SGF29: variants seen among roughly 807,000 people sequenced by gnomAD.
The protein encoded by SGF29 is SAGA complex associated factor 29.
In SGF29, 15 loss-of-function variants were observed where a neutral mutation model predicts 38.1. The observed-to-expected ratio is 0.39, with a 90% CI of 0.26 to 0.61. The LOEUF is 0.61. SGF29 is among the 20% of genes least tolerant of loss of function. SGF29 has a pLI of 0.49. For missense variants in SGF29, 184 were observed against 394.6 expected (o/e 0.47, Z 4.52); for synonymous variants, 151 against 160.8 (o/e 0.94, Z 0.46).
chr16:28,587,257 T>C (rs1358531211), intron 4 of SGF29, among the ~76,000 whole-genome samples: 1 of 152,216 alleles, frequency 6.6e-6, no homozygotes, highest in Non-Finnish European at 1.5e-5. Context: ...CGTGAAACAA[T>C]TGAGATTTTT....
At chr16:28,564,035 C>T (rs1034575193) in intron 1 of SGF29, among the ~76,000 whole-genome samples, 1 of 152,182 alleles carries the variant, frequency 6.6e-6, no homozygotes, top group Non-Finnish European at 1.5e-5. Flanking sequence ...GCTTAAGCCA[C>T]TGTGCCTGGC....
At chr16:28,577,400 C>A (rs568464868) in intron 1 of SGF29, among the ~76,000 whole-genome samples, 2 of 151,612 alleles carry the variant, frequency 1.3e-5, no homozygotes, top group African/African-American at 4.8e-5. Flanking sequence ...GCTGTCCTTT[C>A]TCTCCCAACC....
chr16:28,568,787 C>T (rs2046848349), intron 1 of SGF29, among the ~76,000 whole-genome samples: 1 of 152,090 alleles, frequency 6.6e-6, no homozygotes, highest in Admixed American at 6.6e-5. Flanking sequence ...GTGGTTTGTG[C>T]CTGCAATCTC....
chr16:28,573,334 T>C (rs1249654881), intron 1 of SGF29, among the ~76,000 whole-genome samples: 1 of 152,114 alleles, frequency 6.6e-6, no homozygotes, highest in Non-Finnish European at 1.5e-5. Context: ...AGTAGCATCA[T>C]GTCAAGATCA....
intron 3 of SGF29, chr16:28,585,400 A>G: frequency 1.8e-6 from 1 of 570,936 alleles, no homozygotes; most frequent in Non-Finnish European, 3.1e-6. Flanking sequence ...ATTTTCTGTG[A>G]GTGTCATGAT....
intron 1 of SGF29, among the ~76,000 whole-genome samples, chr16:28,560,687 C>T (rs1037348896): frequency 5.9e-5 from 9 of 151,854 alleles, no homozygotes; most frequent in South Asian, 2.1e-4. Flanking sequence ...ACGGGCCCGG[C>T]GCAGTGGCTC....
At chr16:28,589,362 C>G in intron 5 of SGF29, 198 bp downstream of exon 5, 2 of 574,148 alleles carry the variant, frequency 3.5e-6, no homozygotes, top group Non-Finnish European at 6.2e-6. Context: ...TTTCCCAGTT[C>G]TCCCTCAGCA....
intron 1 of SGF29, among the ~76,000 whole-genome samples, chr16:28,564,784 TATAC>T (rs1435969176): frequency 5.6e-4 from 66 of 118,130 alleles, no homozygotes; most frequent in Middle Eastern, 4.2e-3. Context: ...TATATATATA[TATAC>T]ACACACACAC....
chr16:28,555,508 C>T (rs555408182), intron 1 of SGF29, among the ~76,000 whole-genome samples: 2 of 152,246 alleles, frequency 1.3e-5, no homozygotes, highest in African/African-American at 4.8e-5. Context: ...AGAAAATCCA[C>T]ATATAAGTGG....
chr16:28,572,466 A>G (rs1417828472), intron 1 of SGF29, among the ~76,000 whole-genome samples: 1 of 150,856 alleles, frequency 6.6e-6, no homozygotes, highest in Non-Finnish European at 1.5e-5. Flanking sequence ...ACAGGGTTTC[A>G]CCATGTTGGC....
chr16:28,574,213 C>T (rs565470097), intron 1 of SGF29, among the ~76,000 whole-genome samples: 2 of 152,200 alleles, frequency 1.3e-5, no homozygotes, highest in Admixed American at 6.5e-5. Context: ...AGGAGACCCA[C>T]GTGGGTGCTG....
chr16:28,588,374 C>T (rs927491980), intron 4 of SGF29, among the ~76,000 whole-genome samples: 1 of 152,160 alleles, frequency 6.6e-6, no homozygotes, highest in Admixed American at 6.5e-5. Flanking sequence ...GTGTGACCCT[C>T]GGGCAGACCT....
Position 28,585,740 on chromosome 16 carries a change from T to C in SGF29, c.224+20T>C, listed in dbSNP as rs759735023. 1 of 1,611,192 alleles carries C rather than the reference T, an allele frequency of 6.2e-7. No individual in the cohort carries two copies. On this transcript the variant is annotated intron_variant, in intron 4 of 9. Transcript: ENST00000317058. ...GTGCAAGTGAGTACCGTGCACCCAC[T>C]TCATCGCCGCTCCCTCCTTTCCTGG... is the stretch of plus-strand genomic sequence containing the variant.
chr16:28,569,504 T>C (rs1210150470), intron 1 of SGF29, among the ~76,000 whole-genome samples: 1 of 151,962 alleles, frequency 6.6e-6, no homozygotes, highest in African/African-American at 2.4e-5. Flanking sequence ...TACAAAAAAT[T>C]AGCCGGGCAT....
intron 1 of SGF29, among the ~76,000 whole-genome samples, chr16:28,576,531 T>C (rs1336690717): frequency 1.3e-5 from 2 of 151,852 alleles, no homozygotes; most frequent in Admixed American, 6.6e-5. Context: ...TGAAACCCCA[T>C]CTCTACTAAA....
At chr16:28,570,423 G>T (rs2046857972) in intron 1 of SGF29, among the ~76,000 whole-genome samples, 1 of 152,126 alleles carries the variant, frequency 6.6e-6, no homozygotes, top group African/African-American at 2.4e-5. Context: ...TCCCACCGTT[G>T]TATTTTACAA....
intron 1 of SGF29, among the ~76,000 whole-genome samples, chr16:28,559,056 A>AT (rs2046769832): frequency 6.6e-6 from 1 of 152,160 alleles, no homozygotes; most frequent in Non-Finnish European, 1.5e-5. Context: ...GGTGGCTCAC[A>AT]TTTTTAATCC....
intron 4 of SGF29, 121 bp downstream of exon 4, chr16:28,585,841 A>G (rs1288194459): frequency 1.5e-5 from 14 of 910,752 alleles, no homozygotes; most frequent in African/African-American, 3.3e-5. Context: ...TGCTACTCCC[A>G]GCCTCTCGCT....
intron 1 of SGF29, among the ~76,000 whole-genome samples, chr16:28,568,944 C>T (rs1468410554): frequency 2.1e-5 from 3 of 146,088 alleles, no homozygotes; most frequent in South Asian, 2.2e-4. Context: ...CAAAATTAGA[C>T]GGGCGTGGTG....
Sources: gnomAD v4.1 joint callset for allele counts (sites outside exome capture counted in the v4.1 genomes callset) on GRCh38, gnomAD v4.1.1 for gene constraint, MANE v1.5 for transcripts, NCBI Gene and HGNC (gene_info 2026-07-23, HGNC 2026-07-21) for gene names.